Variants in SLC9A4 observed in about 807,000 individuals in gnomAD.
SLC9A4 encodes sodium/hydrogen exchanger 4.
Under a neutral mutation model 67.4 loss-of-function variants are expected in SLC9A4, and 63 were observed. That is an observed-to-expected ratio of 0.93 (90% CI 0.76 to 1.15). The LOEUF (loss-of-function observed/expected upper bound fraction) is 1.15, where lower values mean the gene tolerates loss of function less well. SLC9A4 is among the 50% of genes most tolerant of loss of function. SLC9A4 has a pLI of 0.00. For missense variants in SLC9A4, 1,089 were observed against 987.7 expected (o/e 1.10, Z -1.38); for synonymous variants, 393 against 367.2 (o/e 1.07, Z -0.80).
At chr2:102,518,644 C>T (rs1685328164) in intron 8 of SLC9A4, among the ~76,000 whole-genome samples, 1 of 152,152 alleles carries the variant, frequency 6.6e-6, no homozygotes, top group Admixed American at 6.5e-5. Flanking sequence ...TATCCAAGTC[C>T]TTTAATATCT....
intron 10 of SLC9A4, 56 bp downstream of exon 10, chr2:102,525,211 G>C: frequency 1.2e-6 from 2 of 1,608,766 alleles, no homozygotes; most frequent in Non-Finnish European, 1.7e-6. Flanking sequence ...TTTGTCATCT[G>C]CTGAGCCTGT....
chr2:102,500,734 T>C (rs1684912759), intron 2 of SLC9A4, among the ~76,000 whole-genome samples: 1 of 152,086 alleles, frequency 6.6e-6, no homozygotes, highest in African/African-American at 2.4e-5. Context: ...CATAAATATG[T>C]CCATCCCATA....
intron 2 of SLC9A4, among the ~76,000 whole-genome samples, chr2:102,483,717 G>A (rs1023782811): frequency 2.7e-5 from 4 of 150,256 alleles, no homozygotes; most frequent in African/African-American, 4.9e-5. Context: ...GTCCTCACCC[G>A]CCACTATACA....
rs74263636 is a variant in SLC9A4, at chr2:102,526,874, A to G, written c.2038+528A>G. On this transcript the variant is annotated intron_variant, in intron 11 of 11. Transcript: ENST00000295269. ...TATTGAAACTTTATTATTCTAATAA[A>G]AGCAGTTACTATTTTTATATGTGTA... 8.5e-4 allele frequency among the ~76,000 whole-genome samples: 129 copies of G among 152,348 alleles called. 2 individuals carry two copies. The East Asian group carries it at 0.021, about 25-fold the overall frequency.
At chr2:102,486,814 T>C (rs1280856782) in intron 2 of SLC9A4, among the ~76,000 whole-genome samples, 2 of 152,232 alleles carry the variant, frequency 1.3e-5, no homozygotes, top group Admixed American at 6.5e-5. Flanking sequence ...AAATGTCTTC[T>C]TGCCCTTCCT....
intron 8 of SLC9A4, among the ~76,000 whole-genome samples, chr2:102,516,486 C>T (rs1457703968): frequency 6.6e-6 from 1 of 152,106 alleles, no homozygotes; most frequent in East Asian, 1.9e-4. Context: ...GTACTCAGCT[C>T]GCTTTTTATT....
chr2:102,532,315 A>T lies in SLC9A4; in HGVS notation c.2039-15A>T. On this transcript the variant is annotated splice_polypyrimidine_tract_variant and intron_variant, in intron 11 of 11. Transcript: ENST00000295269. Reference sequence around the variant, plus strand: ...AGTCTTGTTCTTTCCCCTTCTTGCCATGATGTTTTCCTAGATGATGACAGC... The same window carrying T: ...AGTCTTGTTCTTTCCCCTTCTTGCCTTGATGTTTTCCTAGATGATGACAGC... The T allele has an allele frequency of 6.2e-7, 1 of 1,603,832 alleles. No homozygotes were observed. Among genetic ancestry groups the T allele is most frequent in the Admixed American group, 1.7e-5 (1 of 58,882 alleles).
intron 2 of SLC9A4, among the ~76,000 whole-genome samples, chr2:102,484,303 T>C (rs1372908993): frequency 6.6e-6 from 1 of 152,140 alleles, no homozygotes; most frequent in East Asian, 1.9e-4. Flanking sequence ...CTCATGCAAC[T>C]GGGAGTGACA....
intron 9 of SLC9A4, among the ~76,000 whole-genome samples, chr2:102,520,210 C>T (rs561411011): frequency 2.0e-5 from 3 of 152,160 alleles, no homozygotes; most frequent in Non-Finnish European, 4.4e-5. Context: ...TGCCCTAGCC[C>T]TGCAGCCTGG....
intron 2 of SLC9A4, among the ~76,000 whole-genome samples, chr2:102,487,913 G>C (rs1684621000): frequency 1.3e-5 from 2 of 152,202 alleles, no homozygotes; most frequent in African/African-American, 4.8e-5. Flanking sequence ...CTGAGTGCCT[G>C]GGATGCAGAA....
chr2:102,523,194 C>T (rs1175808729), intron 9 of SLC9A4, among the ~76,000 whole-genome samples: 1 of 151,822 alleles, frequency 6.6e-6, no homozygotes, highest in Non-Finnish European at 1.5e-5. Flanking sequence ...AGGTTGGTCT[C>T]AAACTCCTGG....
chr2:102,499,938 G>A (rs780446593), intron 2 of SLC9A4, among the ~76,000 whole-genome samples: 3 of 152,142 alleles, frequency 2.0e-5, no homozygotes, highest in Non-Finnish European at 2.9e-5. Flanking sequence ...GATTTATAAC[G>A]AAAACTTCTA....
intron 8 of SLC9A4, among the ~76,000 whole-genome samples, chr2:102,518,370 A>G (rs1162380689): frequency 1.3e-5 from 2 of 152,204 alleles, no homozygotes; most frequent in African/African-American, 2.4e-5. Context: ...CACATTCACC[A>G]CATTAAAGGA....
chr2:102,517,211 C>G (rs1558670883), intron 8 of SLC9A4, among the ~76,000 whole-genome samples: 1 of 152,160 alleles, frequency 6.6e-6, no homozygotes. Context: ...TAAGCAGCTG[C>G]ACACAGGGCT....
chr2:102,490,883 C>T (rs576672319), intron 2 of SLC9A4, among the ~76,000 whole-genome samples: 4 of 152,184 alleles, frequency 2.6e-5, no homozygotes, highest in African/African-American at 9.7e-5. Flanking sequence ...ACAGGTCTCT[C>T]CCTTCATAAT....
Position 102,505,486 on chromosome 2 carries a change from G to T in SLC9A4, c.1198+15G>T. 1 of 1,611,022 alleles carries T rather than the reference G, an allele frequency of 6.2e-7. No homozygotes were observed. On this transcript the variant is annotated intron_variant, in intron 4 of 11. Transcript: ENST00000295269. Reference sequence around the variant, plus strand: ...GAGAGCCATCAGTAAGAGACGGCAGGGCTCCAGAGTCTCCGGTCCTGCTGC... The same window carrying T: ...GAGAGCCATCAGTAAGAGACGGCAGTGCTCCAGAGTCTCCGGTCCTGCTGC...
chr2:102,516,905 G>GT (rs1685287250), intron 8 of SLC9A4, among the ~76,000 whole-genome samples: 1 of 152,066 alleles, frequency 6.6e-6, no homozygotes, highest in South Asian at 2.1e-4. Context: ...CATAACAAAC[G>GT]TAACAACCAT....
chr2:102,517,770 C>A (rs951737521), intron 8 of SLC9A4, among the ~76,000 whole-genome samples: 3 of 152,058 alleles, frequency 2.0e-5, no homozygotes, highest in Non-Finnish European at 4.4e-5. Flanking sequence ...GAAAGATGAA[C>A]GTTATATTCA....
rs780448643 is a variant in SLC9A4 at position 102,505,471 on chromosome 2, A to G, written c.1198A>G (p.Ser400Gly). Residue 400 changes from serine (S) to glycine (G), a missense_variant and splice_region_variant, in exon 4 of 12, where the codon AGC (serine) becomes GGC (glycine). Ser to Gly is a moderately conservative substitution (Grantham distance 56, BLOSUM62 0). Coordinates refer to ENST00000295269, the MANE Select transcript of SLC9A4 (RefSeq NM_001011552.4). Reference sequence around the variant, plus strand: ...CTTCTGCCAAATCTGGAGAGCCATCAGTAAGAGACGGCAGGGCTCCAGAGT... The same window carrying G: ...CTTCTGCCAAATCTGGAGAGCCATCGGTAAGAGACGGCAGGGCTCCAGAGT... ...LAFCQIWRAI[S>G]VFALFYISNQ... 2 of 1,613,618 alleles carry G rather than the reference A, an allele frequency of 1.2e-6. No individual in the cohort carries two copies. The highest frequency in any genetic ancestry group is 1.7e-6 in the Non-Finnish European group (2 of 1,179,992).
Sources: gnomAD v4.1 joint callset for allele counts (sites outside exome capture counted in the v4.1 genomes callset) on GRCh38, gnomAD v4.1.1 for gene constraint, MANE v1.5 for transcripts, NCBI Gene and HGNC (gene_info 2026-07-23, HGNC 2026-07-21) for gene names.